The following SCLT1 variants were observed in gnomAD, a reference collection of about 807,000 sequenced individuals.
SCLT1 encodes the protein sodium channel and clathrin linker 1, also known as sodium channel-associated protein 1.
Under a neutral mutation model 112.8 loss-of-function variants are expected in SCLT1, and 78 were observed. The ratio of observed to expected loss-of-function variants is 0.69; its 90% CI spans 0.58 to 0.83. The LOEUF (loss-of-function observed/expected upper bound fraction) is 0.83, where lower values mean the gene tolerates loss of function less well. SCLT1 is among the 40% of genes least tolerant of loss of function. The pLI, the probability that SCLT1 is intolerant of heterozygous loss-of-function variation, is 0.00. For missense variants in SCLT1, 747 were observed against 770.4 expected (o/e 0.97, Z 0.36); for synonymous variants, 257 against 254.7 (o/e 1.01, Z -0.09).
At chr4:129,028,667 A>G (rs191879983) in intron 5 of SCLT1, among the ~76,000 whole-genome samples, 2,192 of 152,330 alleles carry the variant, frequency 0.014, 48 homozygotes, top group African/African-American at 0.044. Context: ...AAAAGCCAAA[A>G]TTGACAAATG....
intron 2 of SCLT1, among the ~76,000 whole-genome samples, chr4:129,052,172 G>A (rs1315086263): frequency 6.6e-6 from 1 of 152,130 alleles, no homozygotes; most frequent in East Asian, 1.9e-4. Context: ...CAGGGATAAT[G>A]GACTGAAATT....
At chr4:128,929,742 G>C (rs918806994) in intron 18 of SCLT1, among the ~76,000 whole-genome samples, 7 of 152,178 alleles carry the variant, frequency 4.6e-5, no homozygotes, top group Admixed American at 3.3e-4. Flanking sequence ...ATAATAGCAA[G>C]GAAAAGAGAG....
intron 9 of SCLT1, among the ~76,000 whole-genome samples, chr4:128,982,653 C>A (rs1218253006): frequency 1.3e-5 from 2 of 152,020 alleles, no homozygotes; most frequent in African/African-American, 4.8e-5. Context: ...AGGCTCCCAT[C>A]ACCATGCCCG....
At chr4:128,908,091 G>A (rs1048933856) in intron 18 of SCLT1, among the ~76,000 whole-genome samples, 7 of 152,194 alleles carry the variant, frequency 4.6e-5, no homozygotes, top group South Asian at 2.1e-4. Flanking sequence ...TTCCTTCAAT[G>A]CATGAAATGC....
chr4:129,017,372 T>C (rs936988484), intron 5 of SCLT1, among the ~76,000 whole-genome samples: 4 of 152,180 alleles, frequency 2.6e-5, no homozygotes, highest in African/African-American at 7.2e-5. Context: ...CCTTATATCA[T>C]CTATCTTTGC....
chr4:129,055,618 T>G (rs1749296034), intron 2 of SCLT1, among the ~76,000 whole-genome samples: 1 of 151,998 alleles, frequency 6.6e-6, no homozygotes, highest in South Asian at 2.1e-4. Context: ...TGGATGCCCC[T>G]CCCCCAACCA....
At chr4:129,070,182 A>G (rs1750871338) in intron 2 of SCLT1, among the ~76,000 whole-genome samples, 1 of 152,132 alleles carries the variant, frequency 6.6e-6, no homozygotes, top group African/African-American at 2.4e-5. Context: ...GGATTTTAGT[A>G]TCTATGTTTA....
intron 9 of SCLT1, among the ~76,000 whole-genome samples, chr4:128,974,867 T>G (rs2126040524): frequency 1.3e-5 from 2 of 152,184 alleles, no homozygotes; most frequent in East Asian, 1.9e-4. Flanking sequence ...AGTTAACTAT[T>G]AACAATCTTG....
chr4:129,069,290 G>GT (rs1319694690), intron 2 of SCLT1, among the ~76,000 whole-genome samples: 13 of 152,016 alleles, frequency 8.6e-5, no homozygotes, highest in African/African-American at 3.1e-4. Flanking sequence ...TTTTAGAATT[G>GT]TTTTTTCTAA....
Position 129,023,360 on chromosome 4 carries a change from TAA to T in SCLT1, c.290+15679_290+15680del, listed in dbSNP as rs528696257. On this transcript the variant is annotated intron_variant, in intron 5 of 20. Coordinates refer to ENST00000281142, the MANE Select transcript of SCLT1 (RefSeq NM_144643.4). Reference sequence around the variant, plus strand: ...TAAACACACAGACTGGCAAATAGGATAAAGAGTCAAGACCCATTGGTGTGCTG... The same window carrying T: ...TAAACACACAGACTGGCAAATAGGATAGAGTCAAGACCCATTGGTGTGCTG... Among the ~76,000 whole-genome samples, 115 of 152,176 alleles carry T rather than the reference TAA, an allele frequency of 7.6e-4. 2 individuals carry two copies. The highest frequency in any genetic ancestry group is 2.7e-3 in the African/African-American group (111 of 41,530).
At chr4:129,002,007 TA>T (rs530393775) in intron 6 of SCLT1, among the ~76,000 whole-genome samples, 4 of 151,910 alleles carry the variant, frequency 2.6e-5, no homozygotes, top group Admixed American at 2.0e-4. Context: ...ATTCATACAT[TA>T]AAAAAAATTA....
rs555804190 is a variant in SCLT1, at chr4:129,093,243, C to A, written c.-140G>T. On this transcript the variant is annotated 5_prime_UTR_variant, in exon 1 of 21. An upstream open reading frame in the 5' UTR gains an earlier in-frame stop. Transcript: ENST00000281142. Reference sequence around the variant, plus strand: ...CCAGCGGTGCAATCTGCATCCTACTCACGCGGCATCTACAGCCCCGCCACG... The same window carrying A: ...CCAGCGGTGCAATCTGCATCCTACTAACGCGGCATCTACAGCCCCGCCACG... 145 of 722,330 alleles carry A rather than the reference C, an allele frequency of 2.0e-4. 1 individual carries two copies. The highest frequency in any genetic ancestry group is 3.4e-4 in the Non-Finnish European group (139 of 408,586). The allele number at this position is 722,330 out of a possible 1,614,324, so 44.7% of individuals were successfully genotyped here. A position where few individuals can be genotyped will look rare whatever the true frequency, so the allele number is the denominator to read the frequency against.
chr4:129,017,301 T>C (rs781557973), intron 5 of SCLT1, among the ~76,000 whole-genome samples: 90 of 152,190 alleles, frequency 5.9e-4, no homozygotes, highest in Non-Finnish European at 1.1e-3. Flanking sequence ...TTCCTGTTGG[T>C]TAATATATGA....
intron 18 of SCLT1, among the ~76,000 whole-genome samples, chr4:128,898,822 TA>T (rs1161842896): frequency 6.6e-6 from 1 of 151,916 alleles, no homozygotes; most frequent in Non-Finnish European, 1.5e-5. Context: ...ATAGACGCAA[TA>T]AAAAATGATA....
intron 5 of SCLT1, among the ~76,000 whole-genome samples, chr4:129,007,926 G>T (rs1168755330): frequency 6.6e-6 from 1 of 152,028 alleles, no homozygotes; most frequent in African/African-American, 2.4e-5. Context: ...GTAGTGCTCA[G>T]CCCAGACATC....
At chr4:128,900,752 A>G (rs951955967) in intron 18 of SCLT1, among the ~76,000 whole-genome samples, 1 of 152,162 alleles carries the variant, frequency 6.6e-6, no homozygotes, top group Non-Finnish European at 1.5e-5. Flanking sequence ...CCTACAGAAC[A>G]GGAGAAAATT....
chr4:129,027,571 T>G (rs1339228130), intron 5 of SCLT1, among the ~76,000 whole-genome samples: 1 of 152,094 alleles, frequency 6.6e-6, no homozygotes, highest in African/African-American at 2.4e-5. Context: ...GCCAATATCA[T>G]ACTGAATGGG....
At chr4:128,972,010 A>C (rs1223077694) in intron 9 of SCLT1, 1 of 151,912 alleles carries the variant, frequency 6.6e-6, no homozygotes, top group African/African-American at 2.4e-5. Context: ...TGACAGAGCA[A>C]GACTCCATCT....
chr4:128,979,722 T>G lies in SCLT1; in HGVS notation c.687-9254A>C, dbSNP rs184214321. On this transcript the variant is annotated intron_variant, in intron 9 of 20. Transcript: ENST00000281142. ...AAGACAGGTGTACAAATGTAGCGTA[T>G]CTGCAAAAGAAAGTTATAAACATCA... 4.8e-3 allele frequency among the ~76,000 whole-genome samples: 732 copies of G among 152,284 alleles called. 6 individuals are homozygous for G. The highest frequency in any genetic ancestry group is 0.017 in the African/African-American group (695 of 41,550).
Sources: gnomAD v4.1 joint callset for allele counts (sites outside exome capture counted in the v4.1 genomes callset) on GRCh38, gnomAD v4.1.1 for gene constraint, MANE v1.5 for transcripts, NCBI Gene and HGNC (gene_info 2026-07-23, HGNC 2026-07-21) for gene names.